The following CACNA1H variants were observed in gnomAD, a reference collection of about 807,000 sequenced individuals.
CACNA1H encodes the protein voltage-dependent T-type calcium channel subunit alpha-1H.
A neutral mutation model predicts 192.5 loss-of-function variants in CACNA1H; 149 were observed. That is an observed-to-expected ratio of 0.77 (90% CI 0.68 to 0.89). The LOEUF (loss-of-function observed/expected upper bound fraction) is 0.89. Among genes scored for constraint, CACNA1H ranks in the 40% least tolerant of loss-of-function variants. The pLI, the probability that CACNA1H is intolerant of heterozygous loss-of-function variation, is 0.00. For synonymous variants in CACNA1H, 2,202 were observed against 1,475.2 expected, an observed-to-expected ratio of 1.49 and a Z score of -11.29; for missense variants, 4,257 against 3,423.5, an observed-to-expected ratio of 1.24 and a Z score of -6.08.
intron 34 of CACNA1H, among the ~76,000 whole-genome samples, chr16:1,219,375 G>C (rs1006230858): frequency 6.6e-6 from 1 of 152,202 alleles, no homozygotes; most frequent in Non-Finnish European, 1.5e-5. Context: ...AGTCTTCTTG[G>C]ACCCACAGCT....
intron 2 of CACNA1H, among the ~76,000 whole-genome samples, chr16:1,189,162 T>C (rs943506240): frequency 1.3e-5 from 2 of 150,558 alleles, no homozygotes; most frequent in Non-Finnish European, 2.9e-5. Context: ...CCTGTAGGGG[T>C]GAGAAAAGCT....
intron 2 of CACNA1H, among the ~76,000 whole-genome samples, chr16:1,191,918 G>A (rs1966658423): frequency 6.6e-6 from 1 of 152,244 alleles, no homozygotes; most frequent in African/African-American, 2.4e-5. Context: ...CACACTCGGG[G>A]TCTCTGCGAG....
chr16:1,205,368 A>G lies in CACNA1H; in HGVS notation c.2603+103A>G, dbSNP rs886657910. On this transcript the variant is annotated intron_variant, in intron 11 of 34. Transcript: ENST00000348261. The stretch of plus-strand genomic sequence containing the variant: ...AACCCAGAGCACAGGAGGAAGTACG[A>G]CGATAGCTCTTTATGACAGGCCGTG... 15 of 1,247,100 alleles carry G rather than the reference A, an allele frequency of 1.2e-5. No individual in the cohort carries two copies. In the African/African-American group the frequency reaches 1.9e-4, roughly 16 times the overall value. The allele number at this position is 1,247,100 out of a possible 1,614,324, so 77.3% of individuals were successfully genotyped here. A position where few individuals can be genotyped will look rare whatever the true frequency, so the allele number is the denominator to read the frequency against.
At position 1,211,519 on chromosome 16, in the gene CACNA1H, C is replaced by A. The variant is rs764190089; in HGVS notation, c.4389C>A (p.Asp1463Glu). The change falls in exon 23 of 35, where the codon GAC becomes GAA. Residue 1463 changes from aspartate (D) to glutamate (E), a missense_variant. Asp to Glu is a conservative substitution (Grantham distance 45, BLOSUM62 2). Coordinates refer to ENST00000348261, the MANE Select transcript of CACNA1H (RefSeq NM_021098.3). ...AGTTCTACTACTGCGAGGGCCCCGA[C>A]ACCAGGAACATCTCCACCAAGGCAC... ...KGKFYYCEGP[D>E]TRNISTKAQC... The A allele has an allele frequency of 1.8e-5, 29 of 1,612,398 alleles. No individual in the cohort carries two copies. The highest frequency in any genetic ancestry group is 2.4e-5 in the Non-Finnish European group (28 of 1,179,732).
At position 1,173,682 on chromosome 16, in the gene CACNA1H, C is replaced by T. The variant is rs544804228; in HGVS notation, c.299+19646C>T. 3.2e-4 allele frequency among the ~76,000 whole-genome samples: 49 copies of T among 152,308 alleles called. No homozygotes were observed. In the South Asian group the frequency reaches 7.9e-3, roughly 24 times the overall value. ...GGTGGAAGCATCCGGGAACGCCCGT[C>T]GGAGGGGTGAGGGAAGGAGGGTGGG... On this transcript the variant is annotated intron_variant, in intron 2 of 34. Transcript: ENST00000348261.
chr16:1,207,849 T>A lies in CACNA1H; in HGVS notation c.3143T>A (p.Leu1048His), dbSNP rs377549389. 1 of 1,594,968 alleles carries A rather than the reference T, an allele frequency of 6.3e-7. No homozygotes were observed. Among genetic ancestry groups the A allele is most frequent in the East Asian group, 2.3e-5 (1 of 43,678 alleles). The stretch of plus-strand genomic sequence containing the variant: ...GAGGACTTCCACAAGCTCAGAGAAC[T>A]CCAGACCACAGGTGCGTGTGGTCGG... ...FEEDFHKLRE[L>H]QTTELKMCSL... The change falls in exon 15 of 35, where the codon CTC (leucine) becomes CAC (histidine). Residue 1048 changes from leucine (L) to histidine (H), a missense_variant. Physicochemically the swap from Leu to His is moderately conservative, Grantham distance 99 (BLOSUM62 -3). Transcript: ENST00000348261.
rs1968064666 is a variant in CACNA1H, at chr16:1,202,408, G to T, written c.1958G>T (p.Ser653Ile). 3 of 1,529,882 alleles carry T rather than the reference G, an allele frequency of 2.0e-6. No homozygotes were observed. The African/African-American group carries it at 4.1e-5, about 21-fold the overall frequency. The allele number at this position is 1,529,882 out of a possible 1,614,324, so 94.8% of individuals were successfully genotyped here. ...GGGCACGGCCCGTTGAGCTTGAACA[G>T]CCCTGATCCCTACGAGAAGATCCCG... ...TGGHGPLSLN[S>I]PDPYEKIPHV... is the part of the protein sequence containing the mutation. The change falls in exon 9 of 35, where the codon AGC (serine) becomes ATC (isoleucine). Residue 653 changes from serine to isoleucine, a missense_variant. Ser to Ile is a moderately radical substitution (Grantham distance 142). Coordinates refer to ENST00000348261, the MANE Select transcript of CACNA1H (RefSeq NM_021098.3).
Position 1,207,113 on chromosome 16 carries a change from T to C in CACNA1H, c.2902T>C (p.Phe968Leu). 2 of 1,587,664 alleles carry C rather than the reference T, an allele frequency of 1.3e-6. No homozygotes were observed. Residue 968 changes from phenylalanine (F) to leucine (L), a missense_variant, in exon 13 of 35, where the codon TTC (phenylalanine) becomes CTC (leucine). By Grantham distance (22) the Phe-to-Leu change is conservative (BLOSUM62 0). Transcript: ENST00000348261. ...CCTGCTGTGGGCCATCGTCACCGTGTTCCAGGTAGTGCCCGGGGTCCCCGC... is the reference window on the plus strand; with the variant it reads ...CCTGCTGTGGGCCATCGTCACCGTGCTCCAGGTAGTGCCCGGGGTCCCCGC... ...DSLLWAIVTV[F>L]QILTQEDWNV...
rs36117280 is a variant in CACNA1H at position 1,200,389 on chromosome 16, A to T, written c.937A>T (p.Met313Leu). ...CATCCCCGGCCGCCGCGAGCTGCGC[A>T]TGCCCTGCACCCTGGGCTGGGAGGC... ...SHIPGRRELR[M>L]PCTLGWEAYT... Residue 313 changes from methionine (M) to leucine (L), a missense_variant, in exon 7 of 35, where the codon ATG becomes TTG. Coordinates refer to ENST00000348261, the MANE Select transcript of CACNA1H (RefSeq NM_021098.3). The T allele has an allele frequency of 2.5e-6, 4 of 1,605,390 alleles. No individual in the cohort carries two copies. Among genetic ancestry groups the T allele is most frequent in the African/African-American group, 1.3e-5 (1 of 74,788 alleles).
chr16:1,195,167 C>T, intron 3 of CACNA1H, 84 bp downstream of exon 3: 2 of 648,808 alleles, frequency 3.1e-6, no homozygotes, highest in Non-Finnish European at 4.7e-6. Context: ...GGGGGCGGGG[C>T]AAGGTTCAAG....
chr16:1,214,016 G>T lies in CACNA1H; in HGVS notation c.4929+85G>T, dbSNP rs957704542. ...ACACAGTGGGCACAACCCTGGACCG[G>T]CGCTCCGCTGAGCCCTCGCTGGGGT... On this transcript the variant is annotated intron_variant, in intron 27 of 34. Coordinates refer to ENST00000348261, the MANE Select transcript of CACNA1H (RefSeq NM_021098.3). 13 of 1,191,808 alleles carry T rather than the reference G, an allele frequency of 1.1e-5. No homozygotes were observed. The Admixed American group carries it at 2.4e-4, about 22-fold the overall frequency. The allele number at this position is 1,191,808 out of a possible 1,614,324, so 73.8% of individuals were successfully genotyped here. A position where few individuals can be genotyped will look rare whatever the true frequency, so the allele number is the denominator to read the frequency against.
In CACNA1H at chr16:1,195,021, C is replaced by A; in HGVS notation, c.349C>A (p.Leu117Met). ...GGTAATCATGCTCAACTGCGTGACC[C>A]TGGGCATGTTCCGGCCCTGTGAGGA... is the stretch of plus-strand genomic sequence containing the variant. The part of the protein sequence containing the change: ...MLVIMLNCVT[L>M]GMFRPCEDVE... Residue 117 changes from leucine to methionine, a missense_variant, in exon 3 of 35, where the codon CTG becomes ATG. Leu to Met is a conservative substitution (Grantham distance 15). Transcript: ENST00000348261. The A allele has an allele frequency of 6.2e-7, 1 of 1,612,140 alleles. No homozygotes were observed. Among genetic ancestry groups the A allele is most frequent in the East Asian group, 2.2e-5 (1 of 44,838 alleles).
At chr16:1,189,483 C>T (rs1400167953) in intron 2 of CACNA1H, among the ~76,000 whole-genome samples, 4 of 133,748 alleles carry the variant, frequency 3.0e-5, no homozygotes, top group Non-Finnish European at 4.6e-5. Context: ...GTGGCACGAT[C>T]GTGGCTCACT....
Position 1,205,276 on chromosome 16 carries a change from AC to A in CACNA1H, c.2603+14del, listed in dbSNP as rs759819518. 3 of 1,590,440 alleles carry A rather than the reference AC, an allele frequency of 1.9e-6. No individual in the cohort carries two copies. In the African/African-American group the frequency reaches 4.0e-5, roughly 21 times the overall value. Reference sequence around the variant, plus strand: ...CATCGTGGTCATCAGGTGGGTCCCCACCCTCTCCCCAGGAAGAGGGGCCCGG... The same window carrying A: ...CATCGTGGTCATCAGGTGGGTCCCCACCTCTCCCCAGGAAGAGGGGCCCGG... On this transcript the variant is annotated intron_variant, in intron 11 of 34. Transcript: ENST00000348261.
chr16:1,181,458 G>A (rs372099718), intron 2 of CACNA1H, among the ~76,000 whole-genome samples: 2 of 152,356 alleles, frequency 1.3e-5, no homozygotes, highest in South Asian at 2.1e-4. Context: ...GAACATCCTG[G>A]GTGGTCGTGC....
At chr16:1,173,345 G>A (rs1276943375) in intron 2 of CACNA1H, among the ~76,000 whole-genome samples, 2 of 152,168 alleles carry the variant, frequency 1.3e-5, no homozygotes, top group Non-Finnish European at 2.9e-5. Flanking sequence ...TCCGGAGTGT[G>A]GGATGAGGCG....
chr16:1,211,603 C>T lies in CACNA1H; in HGVS notation c.4473C>T (p.Gly1491=), dbSNP rs753763490. Residue 1491 remains glycine, a synonymous_variant, in exon 23 of 35, where the codon GGC becomes GGT. Transcript: ENST00000348261. The stretch of plus-strand genomic sequence containing the variant: ...GCAAGTACAACTTCGACAACCTGGG[C>T]CAGGTGGGCTGGGCGGCCGGGCGGG... The part of the protein sequence containing the change: ...VRRKYNFDNL[G]QALMSLFVLS... The T allele has an allele frequency of 1.1e-5, 18 of 1,609,504 alleles. No homozygotes were observed. Among genetic ancestry groups the T allele is most frequent in the Non-Finnish European group, 1.5e-5 (18 of 1,178,214 alleles).
intron 1 of CACNA1H, 51 bp downstream of exon 1, chr16:1,153,521 G>C: frequency 3.4e-6 from 1 of 295,058 alleles, no homozygotes; most frequent in East Asian, 5.8e-5. Context: ...CTTGCGCGAA[G>C]CGGGCCGGGG....
intron 2 of CACNA1H, among the ~76,000 whole-genome samples, chr16:1,169,327 G>T (rs1325568977): frequency 6.6e-6 from 1 of 151,866 alleles, no homozygotes; most frequent in Non-Finnish European, 1.5e-5. Flanking sequence ...GGCATCAGAT[G>T]ATGCATGGGC....
Sources: gnomAD v4.1 joint callset for allele counts (sites outside exome capture counted in the v4.1 genomes callset) on GRCh38, gnomAD v4.1.1 for gene constraint, MANE v1.5 for transcripts, NCBI Gene and HGNC (gene_info 2026-07-23, HGNC 2026-07-21) for gene names.